The following CDH13 variants were observed in gnomAD, a reference collection of about 807,000 sequenced individuals.
CDH13 encodes cadherin 13, also known as cadherin-13.
A neutral mutation model predicts 63.8 loss-of-function variants in CDH13; 24 were observed. The observed-to-expected ratio is 0.38, with a 90% CI of 0.27 to 0.53. CDH13 has a LOEUF of 0.53. Among genes scored for constraint, CDH13 ranks in the 20% least tolerant of loss-of-function variants. CDH13 has a pLI of 0.85. For missense variants in CDH13, 1,049 were observed against 903.1 expected, an observed-to-expected ratio of 1.16 and a Z score of -2.07; for synonymous variants, 503 against 355.3, an observed-to-expected ratio of 1.42 and a Z score of -4.67.
intron 4 of CDH13, among the ~76,000 whole-genome samples, chr16:83,195,984 A>G (rs904252705): frequency 6.6e-6 from 1 of 152,212 alleles, no homozygotes; most frequent in Admixed American, 6.5e-5. Flanking sequence ...GTCCAGGCCC[A>G]GTAGCTCACA....
chr16:82,700,170 T>G (rs530464717), intron 1 of CDH13, among the ~76,000 whole-genome samples: 1 of 152,214 alleles, frequency 6.6e-6, no homozygotes, highest in Non-Finnish European at 1.5e-5. Flanking sequence ...TAAAGAAATT[T>G]AAATGAATTT....
intron 1 of CDH13, among the ~76,000 whole-genome samples, chr16:82,799,778 T>C (rs1475661562): frequency 2.6e-5 from 4 of 152,122 alleles, no homozygotes; most frequent in Non-Finnish European, 5.9e-5. Context: ...GGCTATGGAA[T>C]TTGATTTTCT....
chr16:82,915,269 A>T (rs750753592), intron 2 of CDH13, among the ~76,000 whole-genome samples: 1 of 152,216 alleles, frequency 6.6e-6, no homozygotes, highest in Non-Finnish European at 1.5e-5. Flanking sequence ...CAAGAGTCTA[A>T]TGTAACAGGC....
intron 1 of CDH13, among the ~76,000 whole-genome samples, chr16:82,628,603 G>A (rs970634915): frequency 6.6e-6 from 1 of 152,126 alleles, no homozygotes; most frequent in Non-Finnish European, 1.5e-5. Context: ...ATACAGTCCC[G>A]ATTAAGGACT....
chr16:83,425,576 C>T (rs7500056), intron 6 of CDH13, among the ~76,000 whole-genome samples: 1 of 152,114 alleles, frequency 6.6e-6, no homozygotes, highest in Non-Finnish European at 1.5e-5. Context: ...TCTGCTAATT[C>T]CTCTCCCTTC....
intron 1 of CDH13, among the ~76,000 whole-genome samples, chr16:82,728,720 A>G (rs2033236425): frequency 6.6e-6 from 1 of 152,152 alleles, no homozygotes; most frequent in African/African-American, 2.4e-5. Context: ...AAAGAAGACC[A>G]CAATGAAGTT....
chr16:83,010,698 C>A (rs1914062138), intron 2 of CDH13, among the ~76,000 whole-genome samples: 1 of 152,016 alleles, frequency 6.6e-6, no homozygotes, highest in Non-Finnish European at 1.5e-5. Context: ...TTACCCAGAG[C>A]CCTACTGAAT....
chr16:82,718,071 G>T (rs1326978416), intron 1 of CDH13, among the ~76,000 whole-genome samples: 1 of 152,218 alleles, frequency 6.6e-6, no homozygotes, highest in African/African-American at 2.4e-5. Context: ...TATTTGAGAG[G>T]TGATCTCAGG....
At chr16:83,416,919 G>C (rs1389404137) in intron 6 of CDH13, among the ~76,000 whole-genome samples, 1 of 152,130 alleles carries the variant, frequency 6.6e-6, no homozygotes, top group African/African-American at 2.4e-5. Flanking sequence ...AATGTGCAAA[G>C]TCTTTAGAAC....
intron 8 of CDH13, among the ~76,000 whole-genome samples, chr16:83,619,477 C>A (rs1909604961): frequency 6.6e-6 from 1 of 152,252 alleles, no homozygotes; most frequent in Non-Finnish European, 1.5e-5. Flanking sequence ...ATGTTTATTA[C>A]CTCACAGCTC....
chr16:83,458,244 T>C (rs1040756693), intron 6 of CDH13, among the ~76,000 whole-genome samples: 1 of 152,210 alleles, frequency 6.6e-6, no homozygotes, highest in African/African-American at 2.4e-5. Context: ...ACCTGGTTCT[T>C]TGGGCTGTTC....
At chr16:83,168,506 A>G (rs72800258) in intron 4 of CDH13, among the ~76,000 whole-genome samples, 25,913 of 151,986 alleles carry the variant, frequency 0.17, 2,324 homozygotes, top group South Asian at 0.19. Context: ...GACAGAGTCA[A>G]CTTTACCTAA....
chr16:83,249,420 G>C (rs750646386), intron 5 of CDH13, among the ~76,000 whole-genome samples: 5 of 152,216 alleles, frequency 3.3e-5, no homozygotes, highest in Admixed American at 3.3e-4. Flanking sequence ...AGTTACAGCA[G>C]ATAACTGCCC....
intron 3 of CDH13, among the ~76,000 whole-genome samples, chr16:83,035,418 C>G (rs1441196049): frequency 6.6e-6 from 1 of 152,178 alleles, no homozygotes; most frequent in East Asian, 1.9e-4. Context: ...CCAGGTGTTG[C>G]TCCATGGGCT....
At chr16:82,791,858 G>T (rs983997592) in intron 1 of CDH13, among the ~76,000 whole-genome samples, 1 of 152,168 alleles carries the variant, frequency 6.6e-6, no homozygotes, top group Non-Finnish European at 1.5e-5. Flanking sequence ...ATGTGCCAAG[G>T]TTCCATTCCC....
At chr16:82,967,053 A>T (rs545674784) in intron 2 of CDH13, among the ~76,000 whole-genome samples, 111 of 152,276 alleles carry the variant, frequency 7.3e-4, no homozygotes, top group Non-Finnish European at 1.1e-3. Context: ...AAAGTTCTTC[A>T]TCTTTGTTCT....
chr16:82,657,281 G>T (rs970851753), intron 1 of CDH13, among the ~76,000 whole-genome samples: 1 of 152,124 alleles, frequency 6.6e-6, no homozygotes, highest in Non-Finnish European at 1.5e-5. Context: ...ACAATATGTT[G>T]TAATAAAAGT....
At chr16:83,166,813 T>G (rs1367675313) in intron 4 of CDH13, among the ~76,000 whole-genome samples, 1 of 152,194 alleles carries the variant, frequency 6.6e-6, no homozygotes, top group Admixed American at 6.6e-5. Context: ...AATGAGGTGT[T>G]CTTAGCATTA....
chr16:83,793,335 T>C (rs913356138), intron 13 of CDH13, among the ~76,000 whole-genome samples: 6 of 152,090 alleles, frequency 3.9e-5, no homozygotes, highest in African/African-American at 1.4e-4. Flanking sequence ...GATCTGAGCA[T>C]CCTAGAGCCA....
Sources: gnomAD v4.1 joint callset for allele counts (sites outside exome capture counted in the v4.1 genomes callset) on GRCh38, gnomAD v4.1.1 for gene constraint, MANE v1.5 for transcripts, NCBI Gene and HGNC (gene_info 2026-07-23, HGNC 2026-07-21) for gene names.